HSPBAP1: variants seen among roughly 807,000 people sequenced by gnomAD.
HSPBAP1 encodes HSPB1 associated protein 1.
Under a neutral mutation model 45.2 loss-of-function variants are expected in HSPBAP1, and 27 were observed. That is an observed-to-expected ratio of 0.60 (90% CI 0.44 to 0.82). The LOEUF is 0.82. HSPBAP1 is among the 40% of genes least tolerant of loss of function. The pLI, the probability that HSPBAP1 is intolerant of heterozygous loss-of-function variation, is 0.00. For missense variants in HSPBAP1, 510 were observed against 590.9 expected (o/e 0.86, Z 1.42); for synonymous variants, 204 against 202.7 (o/e 1.01, Z -0.06).
chr3:122,772,469 C>T (rs951845002), intron 2 of HSPBAP1, among the ~76,000 whole-genome samples: 2 of 151,934 alleles, frequency 1.3e-5, no homozygotes, highest in Admixed American at 6.6e-5. Flanking sequence ...GCCCAAAAAC[C>T]GATGCTGGAA....
At chr3:122,753,083 A>T in intron 5 of HSPBAP1, 1 of 665,186 alleles carries the variant, frequency 1.5e-6, no homozygotes, top group Non-Finnish European at 1.9e-6. Context: ...CAATGAGAAG[A>T]TAAAGTATAG....
intron 2 of HSPBAP1, among the ~76,000 whole-genome samples, chr3:122,776,708 TA>T: frequency 1.3e-5 from 2 of 152,338 alleles, no homozygotes; most frequent in East Asian, 1.9e-4. Flanking sequence ...AATTGAATTT[TA>T]AACAGTTTGG....
At chr3:122,755,038 G>A in intron 5 of HSPBAP1, 2 of 1,202,890 alleles carry the variant, frequency 1.7e-6, no homozygotes, top group Non-Finnish European at 2.1e-6. Flanking sequence ...AATAGGAGGA[G>A]CTGTGTTCCC....
intron 1 of HSPBAP1, 46 bp from the exon 2 acceptor site, chr3:122,777,952 T>G (rs1388175528): frequency 1.4e-5 from 18 of 1,320,742 alleles, no homozygotes; most frequent in Non-Finnish European, 1.9e-5. Context: ...ACTATCAAGT[T>G]TTTTCATACA....
chr3:122,779,093 A>G (rs1198904824), intron 1 of HSPBAP1, among the ~76,000 whole-genome samples: 21 of 149,456 alleles, frequency 1.4e-4, no homozygotes, highest in Non-Finnish European at 1.9e-4. Context: ...CCCAGGCTGG[A>G]GTGCAGTGGC....
In HSPBAP1 at chr3:122,741,976, G is replaced by C. The variant is rs530893165; in HGVS notation, c.826-863C>G. 3.4e-4 allele frequency among the ~76,000 whole-genome samples: 51 copies of C among 152,022 alleles called. 1 individual carries two copies. Among genetic ancestry groups the C allele is most frequent in the African/African-American group, 1.2e-3 (51 of 41,506 alleles). On this transcript the variant is annotated intron_variant, in intron 6 of 7. Coordinates refer to ENST00000306103, the MANE Select transcript of HSPBAP1 (RefSeq NM_024610.6). ...ATGGGTGGCATTATCTCGTAAACTT[G>C]AGTATTGTATACCCTATGGACCAGC...
intron 5 of HSPBAP1, chr3:122,753,858 A>T: frequency 1.0e-6 from 1 of 985,246 alleles, no homozygotes; most frequent in Non-Finnish European, 1.2e-6. Flanking sequence ...GGATGTAAGG[A>T]AAACTGATAC....
chr3:122,748,988 A>G (rs1296289593), intron 6 of HSPBAP1, among the ~76,000 whole-genome samples: 3 of 152,192 alleles, frequency 2.0e-5, no homozygotes, highest in Non-Finnish European at 2.9e-5. Flanking sequence ...ATGGAACACT[A>G]TAGTTTATTA....
chr3:122,783,483 C>T (rs1219999750), intron 1 of HSPBAP1, among the ~76,000 whole-genome samples: 1 of 152,108 alleles, frequency 6.6e-6, no homozygotes, highest in Non-Finnish European at 1.5e-5. Flanking sequence ...TCTCCTCTAC[C>T]CTCTTAAAGT....
At position 122,766,163 on chromosome 3, in the gene HSPBAP1, T is replaced by C. The variant is rs148540715; in HGVS notation, c.432+2538A>G. 8.0e-3 allele frequency among the ~76,000 whole-genome samples: 1,214 copies of C among 152,356 alleles called. 10 individuals carry two copies. Among genetic ancestry groups the C allele is most frequent in the African/African-American group, 0.025 (1,060 of 41,586 alleles). On this transcript the variant is annotated intron_variant, in intron 3 of 7. Coordinates refer to ENST00000306103, the MANE Select transcript of HSPBAP1 (RefSeq NM_024610.6). ...CTAATGACATTAAACATTTTTTGAA[T>C]ATAGTTATTTTCTCAAAAATATTAT...
chr3:122,789,621 A>G (rs1268275702), intron 1 of HSPBAP1, among the ~76,000 whole-genome samples: 2 of 152,238 alleles, frequency 1.3e-5, no homozygotes, highest in East Asian at 1.9e-4. Context: ...AAATGATGCT[A>G]AACAAATGTT....
intron 2 of HSPBAP1, 100 bp from the exon 3 acceptor site, chr3:122,768,982 T>C: frequency 1.2e-6 from 1 of 850,866 alleles, no homozygotes; most frequent in Non-Finnish European, 1.8e-6. Flanking sequence ...AAAAATTAAC[T>C]TTGAAGACTA....
chr3:122,746,360 G>A (rs1300641960), intron 6 of HSPBAP1, among the ~76,000 whole-genome samples: 1 of 149,314 alleles, frequency 6.7e-6, no homozygotes, highest in Non-Finnish European at 1.5e-5. Context: ...AAAAACAGAG[G>A]CAAGAATAGC....
chr3:122,767,260 C>T (rs989071265), intron 3 of HSPBAP1, among the ~76,000 whole-genome samples: 2 of 152,314 alleles, frequency 1.3e-5, no homozygotes, highest in East Asian at 1.9e-4. Context: ...TATGACAGGA[C>T]GGGCACAGTG....
At chr3:122,752,747 T>C in intron 5 of HSPBAP1, 73 bp from the exon 6 acceptor site, 1 of 1,440,164 alleles carries the variant, frequency 6.9e-7, no homozygotes, top group Non-Finnish European at 9.4e-7. Context: ...AGACCCTAAT[T>C]GAGGCTGCTA....
chr3:122,741,544 A>T (rs1933668245), intron 6 of HSPBAP1: 1 of 171,576 alleles, frequency 5.8e-6, no homozygotes, highest in Non-Finnish European at 1.3e-5. Context: ...CTATCCATCT[A>T]AACGTGGCTT....
At chr3:122,754,921 A>C in intron 5 of HSPBAP1, 2 of 1,017,644 alleles carry the variant, frequency 2.0e-6, no homozygotes, top group African/African-American at 3.4e-5. Context: ...CTGTGATTAA[A>C]TGTTCCAGAG....
chr3:122,741,445 G>A (rs992451791), intron 6 of HSPBAP1: 8 of 244,896 alleles, frequency 3.3e-5, no homozygotes, highest in African/African-American at 1.6e-4. Context: ...ACATACAGAG[G>A]AATAATCCCT....
chr3:122,773,302 T>C (rs1386764155), intron 2 of HSPBAP1, among the ~76,000 whole-genome samples: 3 of 133,632 alleles, frequency 2.2e-5, no homozygotes, highest in Non-Finnish European at 4.7e-5. Context: ...CAAATAAATG[T>C]GTTTTTTTTT....
Sources: gnomAD v4.1 joint callset for allele counts (sites outside exome capture counted in the v4.1 genomes callset) on GRCh38, gnomAD v4.1.1 for gene constraint, MANE v1.5 for transcripts, NCBI Gene and HGNC (gene_info 2026-07-23, HGNC 2026-07-21) for gene names.